CERT1: variants seen among roughly 807,000 people sequenced by gnomAD.
CERT1 encodes ceramide transfer protein.
A neutral mutation model predicts 87.9 loss-of-function variants in CERT1; 31 were observed. The ratio of observed to expected loss-of-function variants is 0.35; its 90% CI spans 0.27 to 0.48. The LOEUF (loss-of-function observed/expected upper bound fraction) is 0.48. Among genes scored for constraint, CERT1 ranks in the 20% least tolerant of loss-of-function variants. The probability of loss-of-function intolerance (pLI) is 0.99; values close to 1 mark genes in which losing one functional copy is unlikely to be tolerated. For missense variants in CERT1, 487 were observed against 758.0 expected (o/e 0.64, Z 4.20); for synonymous variants, 289 against 250.9 (o/e 1.15, Z -1.44).
chr5:75,488,915 AT>A (rs1191182407), intron 2 of CERT1, among the ~76,000 whole-genome samples: 2 of 152,014 alleles, frequency 1.3e-5, no homozygotes, highest in African/African-American at 4.8e-5. Flanking sequence ...ATTAAAGAAA[AT>A]TTTTTTCAGA....
chr5:75,489,651 T>C lies in CERT1; in HGVS notation c.231+16331A>G, dbSNP rs1034238538. On this transcript the variant is annotated intron_variant, in intron 2 of 16. Transcript: ENST00000643780. ...ATGAAAAAAAGCTCATTATCACTGGTCATTAGAGAAATGCAAATCAAAACC... is the reference window on the plus strand; with the variant it reads ...ATGAAAAAAAGCTCATTATCACTGGCCATTAGAGAAATGCAAATCAAAACC... Among the ~76,000 whole-genome samples, 5 of 152,178 alleles carry C rather than the reference T, an allele frequency of 3.3e-5. No homozygotes were observed. The South Asian group carries it at 1.0e-3, about 32-fold the overall frequency.
chr5:75,506,141 G>A lies in CERT1; in HGVS notation c.97-25C>T, dbSNP rs529335926. ...ACTGGGAGTGGGAAGGGGAAGGGAA[G>A]AGAGAAGAAAACAAAAAATAGAAGT... On this transcript the variant is annotated intron_variant, in intron 1 of 16. Transcript: ENST00000643780. 3.7e-6 allele frequency: 6 copies of A among 1,602,086 alleles called. No homozygotes were observed. In the South Asian group the frequency reaches 4.5e-5, roughly 12 times the overall value.
At chr5:75,457,906 G>A (rs1027917451) in intron 3 of CERT1, among the ~76,000 whole-genome samples, 5 of 146,430 alleles carry the variant, frequency 3.4e-5, no homozygotes, top group South Asian at 2.3e-4. Context: ...GGGTATAGGC[G>A]CGCGTGTGTG....
chr5:75,375,780 A>C (rs181538153), downstream of CERT1: 1 of 151,080 alleles, frequency 6.6e-6, no homozygotes, highest in Admixed American at 6.6e-5. Flanking sequence ...CACCAAAATT[A>C]AGAATGTTCG....
intron 8 of CERT1, among the ~76,000 whole-genome samples, chr5:75,408,040 T>C (rs924491380): frequency 3.9e-5 from 6 of 152,264 alleles, no homozygotes; most frequent in South Asian, 4.1e-4. Flanking sequence ...TCTGTTCCCA[T>C]TGAACAACTC....
intron 9 of CERT1, chr5:75,402,654 G>A (rs1259205873): frequency 1.1e-5 from 2 of 175,322 alleles, no homozygotes; most frequent in Non-Finnish European, 2.4e-5. Flanking sequence ...AAAAAATTTA[G>A]TCAGGCACGG....
chr5:75,388,612 A>ATATATATC (rs1471129036), intron 12 of CERT1, among the ~76,000 whole-genome samples: 14 of 74,312 alleles, frequency 1.9e-4, no homozygotes, highest in African/African-American at 1.4e-3. Flanking sequence ...ATATATATAT[A>ATATATATC]TATATATATA....
chr5:75,476,317 A>T (rs1217857677), intron 2 of CERT1, among the ~76,000 whole-genome samples: 1 of 152,084 alleles, frequency 6.6e-6, no homozygotes, highest in African/African-American at 2.4e-5. Flanking sequence ...AAAAGCATGG[A>T]AATTGTGATT....
At chr5:75,471,754 C>CAAAAAAAA (rs796209502) in intron 2 of CERT1, among the ~76,000 whole-genome samples, 25 of 50,732 alleles carry the variant, frequency 4.9e-4, no homozygotes, top group African/African-American at 1.2e-3. Context: ...GACTTCATCT[C>CAAAAAAAA]AAAAAAAAAA....
At chr5:75,452,134 GCCT>G (rs1764792302) in intron 3 of CERT1, among the ~76,000 whole-genome samples, 1 of 152,090 alleles carries the variant, frequency 6.6e-6, no homozygotes, top group African/African-American at 2.4e-5. Context: ...CATGAATTTG[GCCT>G]TCACAAAGGG....
intron 8 of CERT1, among the ~76,000 whole-genome samples, chr5:75,407,838 T>C (rs1200059952): frequency 6.9e-6 from 1 of 144,160 alleles, no homozygotes; most frequent in Non-Finnish European, 1.5e-5. Context: ...TAAAGCGTGA[T>C]AAAATAATGA....
chr5:75,432,936 A>G (rs1333078886), intron 3 of CERT1, among the ~76,000 whole-genome samples: 1 of 152,226 alleles, frequency 6.6e-6, no homozygotes, highest in Non-Finnish European at 1.5e-5. Flanking sequence ...GTATACTAGC[A>G]CCATGTATTA....
intron 8 of CERT1, among the ~76,000 whole-genome samples, chr5:75,409,959 C>A (rs987888052): frequency 2.0e-5 from 3 of 151,884 alleles, no homozygotes; most frequent in Non-Finnish European, 2.9e-5. Context: ...TGCCACTATA[C>A]CCAGATAATT....
At position 75,399,277 on chromosome 5, in the gene CERT1, G is replaced by A. The variant is rs371606875; in HGVS notation, c.1188+33C>T. On this transcript the variant is annotated intron_variant, in intron 11 of 16. Coordinates refer to ENST00000643780, the MANE Select transcript of CERT1 (RefSeq NM_001379029.1). ...AGCAGGCTGAAATATAGCACAGAAA[G>A]ACTCAAGTCCACTCTATACATTCAT... is the stretch of plus-strand genomic sequence containing the variant. 6.1e-5 allele frequency: 90 copies of A among 1,477,730 alleles called. No homozygotes were observed. The Middle Eastern group carries it at 1.9e-3, about 31-fold the overall frequency. 91.5% of individuals were successfully genotyped at this position (1,477,730 alleles called of 1,614,324 possible). A position where few individuals can be genotyped will look rare whatever the true frequency, so the allele number is the denominator to read the frequency against.
intron 2 of CERT1, among the ~76,000 whole-genome samples, chr5:75,493,202 C>G (rs959054002): frequency 1.3e-5 from 2 of 152,080 alleles, no homozygotes; most frequent in African/African-American, 2.4e-5. Flanking sequence ...ACCCTCTTAC[C>G]ATCATTTGCC....
rs972300006 is a variant in CERT1 at position 75,409,546 on chromosome 5, A to C, written c.930+1465T>G. ...AGAAATATCAACACTTTTTTTTTTGAGACGGAGTCTCGCTCTGTTGCCCAG... is the reference window on the plus strand; with the variant it reads ...AGAAATATCAACACTTTTTTTTTTGCGACGGAGTCTCGCTCTGTTGCCCAG... On this transcript the variant is annotated intron_variant, in intron 8 of 16. Coordinates refer to ENST00000643780, the MANE Select transcript of CERT1 (RefSeq NM_001379029.1). 3.3e-5 allele frequency among the ~76,000 whole-genome samples: 5 copies of C among 151,064 alleles called. No homozygotes were observed. The East Asian group carries it at 7.8e-4, about 23-fold the overall frequency.
At chr5:75,504,189 T>G (rs1254549760) in intron 2 of CERT1, among the ~76,000 whole-genome samples, 1 of 152,054 alleles carries the variant, frequency 6.6e-6, no homozygotes, top group Non-Finnish European at 1.5e-5. Flanking sequence ...GATCGCAAGG[T>G]ACATTTCAAT....
chr5:75,448,225 T>A (rs907529326), intron 3 of CERT1, among the ~76,000 whole-genome samples: 1 of 152,130 alleles, frequency 6.6e-6, no homozygotes, highest in Non-Finnish European at 1.5e-5. Context: ...ATTCCTTCTA[T>A]CCCTCTATAT....
At chr5:75,384,743 T>TA in intron 13 of CERT1, 31 bp from the exon 14 acceptor site, 14 of 1,341,980 alleles carry the variant, frequency 1.0e-5, no homozygotes, top group Non-Finnish European at 1.5e-5. Flanking sequence ...AAAAGATATA[T>TA]TATCTTTTCC....
Sources: allele counts gnomAD v4.1 joint callset (sites outside exome capture counted in the v4.1 genomes callset), GRCh38; gene constraint gnomAD v4.1.1; transcripts MANE v1.5; gene names NCBI Gene and HGNC (gene_info 2026-07-23, HGNC 2026-07-21).